CDC14A: variants seen among roughly 807,000 people sequenced by gnomAD.
CDC14A encodes cell division cycle 14A, also known as dual specificity protein phosphatase CDC14A.
Under a neutral mutation model 74.4 loss-of-function variants are expected in CDC14A, and 53 were observed. The observed-to-expected ratio is 0.71, with a 90% CI of 0.57 to 0.89. The LOEUF (loss-of-function observed/expected upper bound fraction) is 0.89, where lower values mean the gene tolerates loss of function less well. CDC14A is among the 40% of genes least tolerant of loss of function. The pLI, the probability that CDC14A is intolerant of heterozygous loss-of-function variation, is 0.00. For missense variants in CDC14A, 646 were observed against 713.7 expected, an observed-to-expected ratio of 0.91 and a Z score of 1.08; for synonymous variants, 247 against 258.4, an observed-to-expected ratio of 0.96 and a Z score of 0.43.
At chr1:100,418,920 C>G (rs1455554704) in intron 4 of CDC14A, among the ~76,000 whole-genome samples, 1 of 152,200 alleles carries the variant, frequency 6.6e-6, no homozygotes, top group Non-Finnish European at 1.5e-5. Flanking sequence ...AGTGGTAGCT[C>G]ACGCCTGTAA....
intron 5 of CDC14A, among the ~76,000 whole-genome samples, chr1:100,432,164 G>A (rs1440363803): frequency 6.6e-6 from 1 of 152,136 alleles, no homozygotes; most frequent in African/African-American, 2.4e-5. Context: ...GAGGCATGTG[G>A]TTTTGCTCTT....
intron 4 of CDC14A, among the ~76,000 whole-genome samples, chr1:100,420,061 C>CATATATATATATATATATATATATATAT (rs1377818349): frequency 6.5e-5 from 4 of 61,744 alleles, no homozygotes; most frequent in Non-Finnish European, 1.2e-4. Context: ...CACACACACA[C>CATATATATATATATATATATATATATAT]ACATATATAT....
Position 100,412,714 on chromosome 1 carries a change from ATATATATATTT to A in CDC14A, c.310-11498_310-11488del, listed in dbSNP as rs1268841799. Among the ~76,000 whole-genome samples the A allele has an allele frequency of 2.5e-3, 247 of 100,794 alleles. 1 individual carries two copies. The highest frequency in any genetic ancestry group is 0.013 in the East Asian group (53 of 4,194). 66.1% of individuals were successfully genotyped at this position (100,794 alleles called of 152,430 possible). ...GTATGTTTTATATATATATATATAT[ATATATATATTT>A]TATATATATATATTTTATATATATA... On this transcript the variant is annotated intron_variant, in intron 4 of 15. Coordinates refer to ENST00000336454, the MANE Select transcript of CDC14A (RefSeq NM_003672.4).
In CDC14A at chr1:100,484,409, T is replaced by C; in HGVS notation, c.1095T>C (p.Gly365=). The stretch of plus-strand genomic sequence containing the variant: ...CTGGCCTAGATGATATGTCTATTGG[T>C]GGAAATCTTTCAAAAACACAAAACA... ...ILSGLDDMSI[G]GNLSKTQNME... Residue 365 remains glycine (G), a synonymous_variant, in exon 11 of 16, where the codon GGT becomes GGC. Transcript: ENST00000336454. The C allele has an allele frequency of 1.9e-6, 3 of 1,606,548 alleles. No homozygotes were observed. The highest frequency in any genetic ancestry group is 2.5e-6 in the Non-Finnish European group (3 of 1,176,838).
intron 2 of CDC14A, among the ~76,000 whole-genome samples, chr1:100,359,937 C>A (rs1327051930): frequency 4.2e-5 from 6 of 144,224 alleles, no homozygotes; most frequent in Non-Finnish European, 6.2e-5. Flanking sequence ...CTTTTTTTCA[C>A]CTTCTTCTTT....
intron 3 of CDC14A, among the ~76,000 whole-genome samples, chr1:100,378,522 T>C (rs200735838): frequency 1.3e-5 from 2 of 152,184 alleles, no homozygotes; most frequent in East Asian, 3.8e-4. Context: ...TATTTTTTGA[T>C]TTGATTGGTT....
At chr1:100,472,711 G>C (rs372923058) in intron 10 of CDC14A, among the ~76,000 whole-genome samples, 1 of 151,622 alleles carries the variant, frequency 6.6e-6, no homozygotes, top group African/African-American at 2.4e-5. Flanking sequence ...ATTTAAGTCT[G>C]TGATGGATTT....
At chr1:100,351,953 G>A (rs1347639604), upstream of CDC14A, 6 of 680,262 alleles carry the variant, frequency 8.8e-6, no homozygotes, top group African/African-American at 3.6e-5. Flanking sequence ...GGCAGGGCAC[G>A]GAGATCTGAG....
chr1:100,414,689 A>G (rs753688097), intron 4 of CDC14A, among the ~76,000 whole-genome samples: 6 of 152,182 alleles, frequency 3.9e-5, no homozygotes, highest in Non-Finnish European at 2.9e-5. Flanking sequence ...TTCAAGTGAT[A>G]TTCTGGAGTG....
intron 7 of CDC14A, among the ~76,000 whole-genome samples, chr1:100,453,703 A>G (rs924144018): frequency 6.6e-6 from 1 of 152,202 alleles, no homozygotes; most frequent in African/African-American, 2.4e-5. Flanking sequence ...GCAATGGTGC[A>G]AACTCGGCTC....
At chr1:100,510,466 C>T (rs1301045195) in intron 15 of CDC14A, among the ~76,000 whole-genome samples, 1 of 152,180 alleles carries the variant, frequency 6.6e-6, no homozygotes, top group Admixed American at 6.5e-5. Flanking sequence ...TTGCTTCTGA[C>T]ATCTTGAATC....
intron 7 of CDC14A, among the ~76,000 whole-genome samples, chr1:100,450,508 G>A (rs1036360343): frequency 1.3e-5 from 2 of 152,176 alleles, no homozygotes; most frequent in African/African-American, 4.8e-5. Context: ...AGTTATGGAA[G>A]TACGCCTCCT....
In CDC14A at chr1:100,519,090, C is replaced by G. The variant is rs1650466178; in HGVS notation, c.*810C>G. Reference sequence around the variant, plus strand: ...GAGAGCATGGTTTCATGGTTTTTCTCTATGAAATGACTCAATATTCCAAAT... The same window carrying G: ...GAGAGCATGGTTTCATGGTTTTTCTGTATGAAATGACTCAATATTCCAAAT... On this transcript the variant is annotated 3_prime_UTR_variant, in exon 16 of 16. Coordinates refer to ENST00000336454, the MANE Select transcript of CDC14A (RefSeq NM_003672.4). 1 of 152,088 alleles carries G rather than the reference C, an allele frequency of 6.6e-6. No individual in the cohort carries two copies. The highest frequency in any genetic ancestry group is 1.5e-5 in the Non-Finnish European group (1 of 67,988). The allele number at this position is 152,088 out of a possible 1,614,324, so 9.4% of individuals were successfully genotyped here.
At chr1:100,462,579 G>A (rs1055207770) in intron 8 of CDC14A, 72 bp from the exon 9 acceptor site, 11 of 1,170,132 alleles carry the variant, frequency 9.4e-6, no homozygotes, top group Non-Finnish European at 1.4e-5. Context: ...CTTCATTGTT[G>A]AGAGTTTTGT....
chr1:100,353,474 C>T (rs1162641896), intron 1 of CDC14A, among the ~76,000 whole-genome samples: 1 of 152,220 alleles, frequency 6.6e-6, no homozygotes, highest in African/African-American at 2.4e-5. Flanking sequence ...GGGAACCAAA[C>T]TTGCACCTCC....
At chr1:100,443,268 G>T (rs1313860630) in intron 7 of CDC14A, among the ~76,000 whole-genome samples, 2 of 151,918 alleles carry the variant, frequency 1.3e-5, no homozygotes, top group East Asian at 3.8e-4. Context: ...ATCTAGTAGG[G>T]TAGTAAAATT....
In CDC14A at chr1:100,390,798, G is replaced by A; in HGVS notation, c.283G>A (p.Ala95Thr). 4.3e-6 allele frequency: 7 copies of A among 1,613,060 alleles called. No homozygotes were observed. Among genetic ancestry groups the A allele is most frequent in the Non-Finnish European group, 5.9e-6 (7 of 1,179,312 alleles). ...TTTTGACCAACGGAAAAGAGCAAAT[G>A]CAGCATTTTTGATAGGTGCCTATGC... ...TCFDQRKRANAAFLIGAYAVI... is the reference protein window; with the variant it reads ...TCFDQRKRANTAFLIGAYAVI... Residue 95 changes from alanine to threonine, a missense_variant, in exon 4 of 16, where the codon GCA (alanine) becomes ACA (threonine). Ala to Thr is a moderately conservative substitution (Grantham distance 58). Coordinates refer to ENST00000336454, the MANE Select transcript of CDC14A (RefSeq NM_003672.4).
At chr1:100,503,968 A>G (rs2101460213) in intron 15 of CDC14A, among the ~76,000 whole-genome samples, 1 of 152,278 alleles carries the variant, frequency 6.6e-6, no homozygotes, top group South Asian at 2.1e-4. Flanking sequence ...TTCTCCCATA[A>G]GCCTCTCTAC....
At chr1:100,384,881 T>C (rs1281304188) in intron 3 of CDC14A, among the ~76,000 whole-genome samples, 1 of 152,210 alleles carries the variant, frequency 6.6e-6, no homozygotes, top group East Asian at 1.9e-4. Flanking sequence ...AGGGAATGCT[T>C]TTCTTATTTA....
Sources: gnomAD v4.1 joint callset for allele counts (sites outside exome capture counted in the v4.1 genomes callset) on GRCh38, gnomAD v4.1.1 for gene constraint, MANE v1.5 for transcripts, NCBI Gene and HGNC (gene_info 2026-07-23, HGNC 2026-07-21) for gene names.